Variants in ATP6V1E2 observed in about 807,000 individuals in gnomAD.
The protein encoded by ATP6V1E2 is V-type proton ATPase subunit E 2.
For missense variants in ATP6V1E2, 308 were observed against 273.3 expected, an observed-to-expected ratio of 1.13 and a Z score of -0.90; for synonymous variants, 121 against 104.2, an observed-to-expected ratio of 1.16 and a Z score of -0.98.
At chr2:46,515,050 G>T (rs1258564591) in intron 4 of ATP6V1E2, among the ~76,000 whole-genome samples, 1 of 151,804 alleles carries the variant, frequency 6.6e-6, no homozygotes, top group Non-Finnish European at 1.5e-5. Flanking sequence ...CCTACAAAAA[G>T]GAAAGAAAAC....
At chr2:46,526,234 G>T (rs1429818739) in intron 4 of ATP6V1E2, among the ~76,000 whole-genome samples, 1 of 152,028 alleles carries the variant, frequency 6.6e-6, no homozygotes, top group Non-Finnish European at 1.5e-5. Context: ...TTGTGCCTCA[G>T]CCTCCCGAGT....
chr2:46,518,890 T>A (rs964663972), intron 4 of ATP6V1E2: 1 of 151,810 alleles, frequency 6.6e-6, no homozygotes, highest in African/African-American at 2.4e-5. Context: ...GTACAAGGTC[T>A]AGGAAGCCCC....
At chr2:46,529,625 G>T (rs1667086209) in intron 4 of ATP6V1E2, among the ~76,000 whole-genome samples, 1 of 152,172 alleles carries the variant, frequency 6.6e-6, no homozygotes, top group Non-Finnish European at 1.5e-5. Context: ...GCATGATGGT[G>T]TGCACCTATG....
chr2:46,534,768 C>CGTTA (rs1667359936), intron 4 of ATP6V1E2: 1 of 151,580 alleles, frequency 6.6e-6, no homozygotes, highest in South Asian at 2.1e-4. Flanking sequence ...TCTCCTAATG[C>CGTTA]CTTACCCTTT....
intron 4 of ATP6V1E2, among the ~76,000 whole-genome samples, chr2:46,526,495 G>A (rs983816407): frequency 7.2e-5 from 11 of 151,990 alleles, no homozygotes; most frequent in Admixed American, 5.9e-4. Flanking sequence ...GAACTTTTTC[G>A]TCTTCCCAAA....
intron 2 of ATP6V1E2, among the ~76,000 whole-genome samples, chr2:46,540,613 C>CTTTTTTTTTTTTTTTTTTTTTTTTTTT (rs59810518): frequency 8.6e-6 from 1 of 115,620 alleles, no homozygotes; most frequent in African/African-American, 3.4e-5. Context: ...TTTTCTGTAA[C>CTTTTTTTTTTTTTTTTTTTTTTTTTTT]TTTTTTTTTT....
intron 4 of ATP6V1E2, chr2:46,534,798 C>G (rs1441465628): frequency 1.3e-5 from 2 of 152,048 alleles, no homozygotes; most frequent in Non-Finnish European, 2.9e-5. Flanking sequence ...TACTGAATTC[C>G]CTGGACAGTC....
rs748078535 is a variant in ATP6V1E2, at chr2:46,512,469, C to A, written c.243G>T (p.Leu81=). Residue 81 remains leucine (L), a synonymous_variant, in exon 5 of 5, where the codon CTG becomes CTT. Transcript: ENST00000522587. Reference sequence around the variant, plus strand: ...GGTCATTTCGGGCTCTCAGGACTTTCAGCCTCGCCTGATTCCTCATGGTGG... The same window carrying A: ...GGTCATTTCGGGCTCTCAGGACTTTAAGCCTCGCCTGATTCCTCATGGTGG... ...LMSTMRNQAR[L]KVLRARNDLI... is the part of the protein sequence containing the mutation. 2 of 1,614,218 alleles carry A rather than the reference C, an allele frequency of 1.2e-6. No individual in the cohort carries two copies. The highest frequency in any genetic ancestry group is 1.1e-5 in the South Asian group (1 of 91,082).
At chr2:46,539,408 C>A (rs1667606448) in intron 2 of ATP6V1E2, among the ~76,000 whole-genome samples, 1 of 152,226 alleles carries the variant, frequency 6.6e-6, no homozygotes, top group Non-Finnish European at 1.5e-5. Flanking sequence ...CAGGGTTTGA[C>A]AAACAGAAGT....
chr2:46,534,178 C>G (rs1245928923), intron 4 of ATP6V1E2: 1 of 152,156 alleles, frequency 6.6e-6, no homozygotes, highest in Non-Finnish European at 1.5e-5. Context: ...TTCGAGGACT[C>G]CAGTTTTTAA....
chr2:46,541,768 G>C (rs947260830), intron 1 of ATP6V1E2: 3 of 152,338 alleles, frequency 2.0e-5, no homozygotes, highest in African/African-American at 7.2e-5. Flanking sequence ...TTCTTGGCCA[G>C]TGAACAGGAC....
At chr2:46,517,578 G>A (rs548132067) in intron 4 of ATP6V1E2, among the ~76,000 whole-genome samples, 25 of 152,278 alleles carry the variant, frequency 1.6e-4, no homozygotes, top group Non-Finnish European at 2.5e-4. Context: ...TCTGCAAACC[G>A]TATATCTCAT....
At chr2:46,527,686 GT>G (rs1302084635) in intron 4 of ATP6V1E2, among the ~76,000 whole-genome samples, 2 of 151,930 alleles carry the variant, frequency 1.3e-5, no homozygotes, top group African/African-American at 2.4e-5. Flanking sequence ...TGTTGTTGTT[GT>G]TTTTTGTTTT....
At chr2:46,525,077 G>T (rs1209815779) in intron 4 of ATP6V1E2, among the ~76,000 whole-genome samples, 2 of 152,204 alleles carry the variant, frequency 1.3e-5, no homozygotes, top group Non-Finnish European at 2.9e-5. Flanking sequence ...ATCGCGATTG[G>T]AAGGAAGAGA....
chr2:46,533,570 G>A (rs1255300902), intron 4 of ATP6V1E2, among the ~76,000 whole-genome samples: 13 of 152,076 alleles, frequency 8.5e-5, no homozygotes, highest in Admixed American at 7.9e-4. Context: ...CACCATACCC[G>A]GCCAAGGTCA....
intron 4 of ATP6V1E2, among the ~76,000 whole-genome samples, chr2:46,525,187 A>T (rs1666835675): frequency 6.6e-6 from 1 of 152,194 alleles, no homozygotes; most frequent in Non-Finnish European, 1.5e-5. Context: ...GAAAGCAGGG[A>T]CAGGCGGCCG....
At chr2:46,521,192 A>G (rs1296266348) in intron 4 of ATP6V1E2, among the ~76,000 whole-genome samples, 2 of 152,192 alleles carry the variant, frequency 1.3e-5, no homozygotes, top group Non-Finnish European at 2.9e-5. Flanking sequence ...GATTATGGCC[A>G]TGGGCTACCA....
At chr2:46,533,886 G>A (rs926176022) in intron 4 of ATP6V1E2, among the ~76,000 whole-genome samples, 16 of 152,094 alleles carry the variant, frequency 1.1e-4, no homozygotes, top group South Asian at 2.1e-4. Flanking sequence ...TTAAAGACGC[G>A]ATTTCATTAA....
intron 4 of ATP6V1E2, among the ~76,000 whole-genome samples, chr2:46,520,480 C>T (rs537070610): frequency 2.0e-5 from 3 of 152,384 alleles, no homozygotes; most frequent in South Asian, 4.1e-4. Context: ...CCAAGCCAGA[C>T]TCGGCTCTCG....
Sources: gnomAD v4.1 joint callset for allele counts (sites outside exome capture counted in the v4.1 genomes callset) on GRCh38, gnomAD v4.1.1 for gene constraint, MANE v1.5 for transcripts, NCBI Gene and HGNC (gene_info 2026-07-23, HGNC 2026-07-21) for gene names.